Variants in PDE3A observed in about 807,000 individuals in gnomAD.
PDE3A encodes the protein cGMP-inhibited 3',5'-cyclic phosphodiesterase 3A.
Under a neutral mutation model 98.3 loss-of-function variants are expected in PDE3A, and 43 were observed. That is an observed-to-expected ratio of 0.44 (90% CI 0.34 to 0.56). The LOEUF (loss-of-function observed/expected upper bound fraction) is 0.56. Among genes scored for constraint, PDE3A ranks in the 20% least tolerant of loss-of-function variants. The pLI, the probability that PDE3A is intolerant of heterozygous loss-of-function variation, is 0.01. For missense variants in PDE3A, 1,427 were observed against 1,440.7 expected (o/e 0.99, Z 0.15); for synonymous variants, 663 against 567.9 (o/e 1.17, Z -2.38).
At chr12:20,623,219 G>A (rs892525147) in intron 5 of PDE3A, among the ~76,000 whole-genome samples, 1 of 151,974 alleles carries the variant, frequency 6.6e-6, no homozygotes, top group Non-Finnish European at 1.5e-5. Context: ...ATAGATTTTA[G>A]GAGATATAGA....
chr12:20,636,386 G>A (rs1022312353), intron 8 of PDE3A, among the ~76,000 whole-genome samples: 2 of 152,038 alleles, frequency 1.3e-5, no homozygotes, highest in East Asian at 1.9e-4. Flanking sequence ...AGATCGTCAG[G>A]TAAAATAATG....
chr12:20,543,765 C>G lies in PDE3A; in HGVS notation c.961-12895C>G, dbSNP rs563181572. ...TCAATGAATTAGATTGCAACAATGC[C>G]TAAGTTTGATTATATACTTATTAAT... is the stretch of plus-strand genomic sequence containing the variant. On this transcript the variant is annotated intron_variant, in intron 1 of 15. Transcript: ENST00000359062. Among the ~76,000 whole-genome samples the G allele has an allele frequency of 9.9e-5, 15 of 152,074 alleles. No homozygotes were observed. The South Asian group carries it at 3.1e-3, about 32-fold the overall frequency.
At position 20,410,542 on chromosome 12, in the gene PDE3A, C is replaced by T. The variant is rs117610635; in HGVS notation, c.960+40298C>T. Among the ~76,000 whole-genome samples the T allele has an allele frequency of 7.9e-4, 120 of 152,244 alleles. No individual in the cohort carries two copies. The East Asian group carries it at 0.015, about 20-fold the overall frequency. ...ATCCTGCCCTTTGTTCTAGAAATAA[C>T]CACCTCCGTCAGCTACCTAGAGTTA... is the stretch of plus-strand genomic sequence containing the variant. On this transcript the variant is annotated intron_variant, in intron 1 of 15. Transcript: ENST00000359062.
intron 2 of PDE3A, among the ~76,000 whole-genome samples, chr12:20,585,472 G>A (rs532010687): frequency 4.6e-5 from 7 of 152,252 alleles, no homozygotes; most frequent in South Asian, 2.1e-4. Context: ...CCAAAACAAC[G>A]TAAGTTATTG....
chr12:20,576,442 A>C (rs1463895280), intron 2 of PDE3A, among the ~76,000 whole-genome samples: 1 of 152,118 alleles, frequency 6.6e-6, no homozygotes, highest in African/African-American at 2.4e-5. Context: ...AATTGACTAA[A>C]ATAGAGATGT....
intron 2 of PDE3A, among the ~76,000 whole-genome samples, chr12:20,588,578 G>A (rs770779767): frequency 6.6e-6 from 1 of 152,148 alleles, no homozygotes; most frequent in Non-Finnish European, 1.5e-5. Context: ...TGCAGATTCC[G>A]TGAATTGACC....
At chr12:20,529,599 G>T (rs1946587762) in intron 1 of PDE3A, among the ~76,000 whole-genome samples, 1 of 152,010 alleles carries the variant, frequency 6.6e-6, no homozygotes, top group Non-Finnish European at 1.5e-5. Context: ...TGAAGACAGA[G>T]AATTCTAATG....
At position 20,526,734 on chromosome 12, in the gene PDE3A, T is replaced by A. The variant is rs201493108; in HGVS notation, c.961-29926T>A. Among the ~76,000 whole-genome samples, 53 of 151,944 alleles carry A rather than the reference T, an allele frequency of 3.5e-4. 1 individual carries two copies. In the East Asian group the frequency reaches 0.01, roughly 29 times the overall value. On this transcript the variant is annotated intron_variant, in intron 1 of 15. Transcript: ENST00000359062. ...TATCTTAAACTGATTTTTTTTTTTTTACTTGCTGAATCTCATTTCATGTCA... is the reference window on the plus strand; with the variant it reads ...TATCTTAAACTGATTTTTTTTTTTTAACTTGCTGAATCTCATTTCATGTCA...
rs992339946 is a variant in PDE3A, at chr12:20,682,144, AT to A, written c.*1875del. On this transcript the variant is annotated 3_prime_UTR_variant, in exon 16 of 16. Coordinates refer to ENST00000359062, the MANE Select transcript of PDE3A (RefSeq NM_000921.5). ...CTAGTAACTTTTGCTAACTGAATGA[AT>A]TCTGGGTCCATATCTCCCAGATGAA... The A allele has an allele frequency of 7.9e-5, 12 of 152,334 alleles. No individual in the cohort carries two copies. Among genetic ancestry groups the A allele is most frequent in the African/African-American group, 2.9e-4 (12 of 41,580 alleles). The allele number at this position is 152,334 out of a possible 1,614,324, so 9.4% of individuals were successfully genotyped here.
At chr12:20,516,223 G>C (rs1259474570) in intron 1 of PDE3A, among the ~76,000 whole-genome samples, 1 of 152,080 alleles carries the variant, frequency 6.6e-6, no homozygotes, top group Non-Finnish European at 1.5e-5. Flanking sequence ...GATGGATTTT[G>C]AGTATTCATT....
In PDE3A at chr12:20,678,803, C is replaced by A. The variant is rs185100002; in HGVS notation, c.3185-1227C>A. Among the ~76,000 whole-genome samples the A allele has an allele frequency of 3.7e-3, 568 of 152,294 alleles. 3 individuals are homozygous for A. Among genetic ancestry groups the A allele is most frequent in the Non-Finnish European group, 5.8e-3 (396 of 68,022 alleles). On this transcript the variant is annotated intron_variant, in intron 15 of 15. Coordinates refer to ENST00000359062, the MANE Select transcript of PDE3A (RefSeq NM_000921.5). The stretch of plus-strand genomic sequence containing the variant: ...ACTCAGGCCCGACTTGGGCCACACA[C>A]ACACCCATTGGCCAGTCACTGTGAA...
At chr12:20,541,230 A>G (rs1166971114) in intron 1 of PDE3A, among the ~76,000 whole-genome samples, 2 of 151,020 alleles carry the variant, frequency 1.3e-5, no homozygotes, top group East Asian at 2.0e-4. Flanking sequence ...TAGAATAGCT[A>G]GGACTACCAG....
intron 1 of PDE3A, among the ~76,000 whole-genome samples, chr12:20,498,362 G>C (rs539456947): frequency 5.3e-5 from 8 of 151,728 alleles, no homozygotes; most frequent in Non-Finnish European, 8.8e-5. Flanking sequence ...ACCAACCTCA[G>C]ATGGAAAATA....
rs192151969 is a variant in PDE3A at position 20,496,557 on chromosome 12, C to T, written c.961-60103C>T. On this transcript the variant is annotated intron_variant, in intron 1 of 15. Coordinates refer to ENST00000359062, the MANE Select transcript of PDE3A (RefSeq NM_000921.5). ...CCCCGCAACACCCCGAATTCTCTCT[C>T]TGCTACCTCATGGGCCAAATTCTTT... 2.8e-3 allele frequency among the ~76,000 whole-genome samples: 433 copies of T among 152,040 alleles called. 1 individual carries two copies. Among genetic ancestry groups the T allele is most frequent in the African/African-American group, 0.01 (415 of 41,500 alleles).
chr12:20,449,432 A>G (rs980580340), intron 1 of PDE3A, among the ~76,000 whole-genome samples: 1 of 151,986 alleles, frequency 6.6e-6, no homozygotes, highest in Non-Finnish European at 1.5e-5. Flanking sequence ...ATTTTTATTC[A>G]TTTTTTAGAA....
At chr12:20,677,909 TAG>T (rs1945682672) in intron 15 of PDE3A, among the ~76,000 whole-genome samples, 1 of 151,190 alleles carries the variant, frequency 6.6e-6, no homozygotes, top group Admixed American at 6.6e-5. Context: ...TTCAGTGGCT[TAG>T]AGTGTGGTTA....
At chr12:20,385,767 C>T (rs534895736) in intron 1 of PDE3A, among the ~76,000 whole-genome samples, 180 of 148,902 alleles carry the variant, frequency 1.2e-3, no homozygotes, top group African/African-American at 3.9e-3. Context: ...GGAAGGGGAA[C>T]ATCACACATC....
chr12:20,630,990 T>C (rs1054341622), intron 6 of PDE3A, among the ~76,000 whole-genome samples: 5 of 152,184 alleles, frequency 3.3e-5, no homozygotes, highest in Admixed American at 6.5e-5. Flanking sequence ...GATTTTTTCA[T>C]TGTATTCAGC....
intron 1 of PDE3A, among the ~76,000 whole-genome samples, chr12:20,480,307 C>T (rs544920305): frequency 6.6e-6 from 1 of 152,234 alleles, no homozygotes; most frequent in Admixed American, 6.5e-5. Flanking sequence ...AGAACATCAT[C>T]CAGGTTATAT....
Sources: allele counts gnomAD v4.1 joint callset (sites outside exome capture counted in the v4.1 genomes callset), GRCh38; gene constraint gnomAD v4.1.1; transcripts MANE v1.5; gene names NCBI Gene and HGNC (gene_info 2026-07-23, HGNC 2026-07-21).